Variants in INTS7 observed in about 807,000 individuals in gnomAD.
INTS7 encodes integrator complex subunit 7, also known as chromosome 1 open reading frame 73.
A neutral mutation model predicts 109.2 loss-of-function variants in INTS7; 46 were observed. That is an observed-to-expected ratio of 0.42 (90% CI 0.33 to 0.54). The LOEUF is 0.54. Among genes scored for constraint, INTS7 ranks in the 20% least tolerant of loss-of-function variants. The pLI, the probability that INTS7 is intolerant of heterozygous loss-of-function variation, is 0.07. For missense variants in INTS7, 929 were observed against 1,132.4 expected, an observed-to-expected ratio of 0.82 and a Z score of 2.58; for synonymous variants, 412 against 402.9, an observed-to-expected ratio of 1.02 and a Z score of -0.27.
intron 16 of INTS7, among the ~76,000 whole-genome samples, chr1:211,956,632 CT>C (rs1663373357): frequency 6.6e-6 from 1 of 151,944 alleles, no homozygotes; most frequent in South Asian, 2.1e-4. Context: ...CTTGCTCAGA[CT>C]AGTTTTATCA....
chr1:211,951,296 T>A (rs1288152915), intron 17 of INTS7, among the ~76,000 whole-genome samples: 1 of 151,814 alleles, frequency 6.6e-6, no homozygotes, highest in African/African-American at 2.4e-5. Flanking sequence ...GAGTGTTTTT[T>A]TTGTTTGTTT....
chr1:212,033,257 A>G (rs930839798), intron 1 of INTS7, among the ~76,000 whole-genome samples: 2 of 152,232 alleles, frequency 1.3e-5, no homozygotes, highest in Admixed American at 1.3e-4. Flanking sequence ...ATACTTTAAC[A>G]GGTACAAGAT....
chr1:211,971,170 C>G (rs1328976349), intron 13 of INTS7, among the ~76,000 whole-genome samples: 1 of 152,150 alleles, frequency 6.6e-6, no homozygotes, highest in Non-Finnish European at 1.5e-5. Flanking sequence ...GGGGGGCTCT[C>G]CTGTGCATTC....
Position 211,942,107 on chromosome 1 carries a change from G to T in INTS7, c.2606C>A (p.Pro869His). 1 of 1,612,630 alleles carries T rather than the reference G, an allele frequency of 6.2e-7. No individual in the cohort carries two copies. The highest frequency in any genetic ancestry group is 8.5e-7 in the Non-Finnish European group (1 of 1,178,934). The change falls in exon 20 of 20, where the codon CCC becomes CAC. Residue 869 changes from proline to histidine, a missense_variant. Physicochemically the swap from Pro to His is moderately conservative, Grantham distance 77 (BLOSUM62 -2). Transcript: ENST00000366994. The surrounding 1 kb of genome is among the most constrained non-coding windows in gnomAD (Gnocchi z 4.2). ...CATCTCATTGGTCATGTTGTCAATG[G>T]GTATCTGCAATGAAACAATTGTTAA... ...QSKSGQDYKIPIDNMTNEMEQ... is the reference protein window; with the variant it reads ...QSKSGQDYKIHIDNMTNEMEQ...
chr1:211,989,601 C>T (rs901854008), intron 7 of INTS7, among the ~76,000 whole-genome samples: 20 of 152,080 alleles, frequency 1.3e-4, no homozygotes, highest in South Asian at 4.1e-4. Context: ...GCAGGAGGAT[C>T]GCCTGAGGTC....
chr1:211,947,787 G>A (rs1040105119), intron 17 of INTS7, among the ~76,000 whole-genome samples: 1 of 152,116 alleles, frequency 6.6e-6, no homozygotes, highest in African/African-American at 2.4e-5. Flanking sequence ...CACCATTAGA[G>A]GGAAATTGAC....
chr1:212,030,312 G>A (rs1667099528), intron 1 of INTS7, among the ~76,000 whole-genome samples: 1 of 151,178 alleles, frequency 6.6e-6, no homozygotes, highest in Admixed American at 6.6e-5. Context: ...TTTTGAGATG[G>A]AGTTTCATTC....
intron 17 of INTS7, chr1:211,952,362 G>A (rs1663135564): frequency 4.9e-6 from 2 of 407,990 alleles, no homozygotes; most frequent in South Asian, 7.6e-5. Flanking sequence ...ATATAACTAC[G>A]TAGCAGCTAG....
intron 5 of INTS7, among the ~76,000 whole-genome samples, chr1:212,007,695 A>T (rs1665990200): frequency 6.6e-6 from 1 of 152,242 alleles, no homozygotes; most frequent in East Asian, 1.9e-4. Context: ...GCCTTTAAAA[A>T]GCACAGTAGA....
At chr1:211,991,389 A>C (rs1665137389) in intron 7 of INTS7, among the ~76,000 whole-genome samples, 1 of 152,214 alleles carries the variant, frequency 6.6e-6, no homozygotes, top group South Asian at 2.1e-4. Context: ...AAATGGGGTA[A>C]ATATTTGTAA....
At chr1:211,970,261 C>T (rs1200605572) in intron 13 of INTS7, among the ~76,000 whole-genome samples, 1 of 152,090 alleles carries the variant, frequency 6.6e-6, no homozygotes, top group African/African-American at 2.4e-5. Context: ...GTAAGGCAAG[C>T]CAGGGTGGGC....
chr1:212,011,599 A>T (rs989175743), intron 4 of INTS7, 178 bp from the exon 5 acceptor site: 2 of 584,444 alleles, frequency 3.4e-6, no homozygotes, highest in Non-Finnish European at 3.1e-6. Context: ...CTAAAACAAA[A>T]ACTCCAGCAC....
At chr1:212,014,523 A>T (rs560677151) in intron 4 of INTS7, among the ~76,000 whole-genome samples, 14 of 148,190 alleles carry the variant, frequency 9.4e-5, no homozygotes, top group African/African-American at 3.5e-4. Flanking sequence ...ACTATTTTTT[A>T]AATTTTAAAA....
At chr1:212,026,613 G>A (rs1156957501) in intron 1 of INTS7, among the ~76,000 whole-genome samples, 1 of 152,144 alleles carries the variant, frequency 6.6e-6, no homozygotes, top group Non-Finnish European at 1.5e-5. Context: ...ACGGGTCAAG[G>A]GACACACAGG....
chr1:211,984,962 A>G (rs1207303348), intron 8 of INTS7, among the ~76,000 whole-genome samples: 1 of 152,162 alleles, frequency 6.6e-6, no homozygotes, highest in Non-Finnish European at 1.5e-5. Context: ...TACATCCTCT[A>G]CTAAGAAATA....
chr1:212,015,878 G>GAT (rs574190426), intron 4 of INTS7, among the ~76,000 whole-genome samples: 35 of 151,894 alleles, frequency 2.3e-4, no homozygotes, highest in African/African-American at 8.2e-4. Flanking sequence ...CCAAGATTTT[G>GAT]ATATATATCC....
At chr1:211,954,865 G>A (rs1376607300) in intron 16 of INTS7, among the ~76,000 whole-genome samples, 2 of 152,218 alleles carry the variant, frequency 1.3e-5, no homozygotes, top group Admixed American at 1.3e-4. Flanking sequence ...GTTTAGGATT[G>A]ACTTGGTGAT....
Position 212,005,002 on chromosome 1 carries a change from C to T in INTS7, c.879+1637G>A, listed in dbSNP as rs370291722. On this transcript the variant is annotated intron_variant, in intron 7 of 19. Transcript: ENST00000366994. ...ACATCATCTGTTAAAACTGAAGATACGCATTTTCTGTAAGTCAGAAATTTC... is the reference window on the plus strand; with the variant it reads ...ACATCATCTGTTAAAACTGAAGATATGCATTTTCTGTAAGTCAGAAATTTC... Among the ~76,000 whole-genome samples, 148 of 152,222 alleles carry T rather than the reference C, an allele frequency of 9.7e-4. 3 individuals are homozygous for T. The South Asian group carries it at 0.03, about 31-fold the overall frequency.
intron 16 of INTS7, among the ~76,000 whole-genome samples, chr1:211,964,440 C>G (rs114899349): frequency 6.6e-6 from 1 of 152,086 alleles, no homozygotes; most frequent in Non-Finnish European, 1.5e-5. Context: ...AAACTGCCAA[C>G]GACATTCTTC....
Sources: gnomAD v4.1 joint callset for allele counts (sites outside exome capture counted in the v4.1 genomes callset) on GRCh38, gnomAD v4.1.1 for gene constraint, Gnocchi (gnomAD v3.1) non-coding constraint, MANE v1.5 for transcripts, NCBI Gene and HGNC (gene_info 2026-07-23, HGNC 2026-07-21) for gene names.